The following ANKDD1B variants were observed in gnomAD, a reference collection of about 807,000 sequenced individuals.
ANKDD1B encodes the protein ankyrin repeat and death domain containing 1B, also known as ankyrin repeat and death domain-containing protein 1B.
A neutral mutation model predicts 59.7 loss-of-function variants in ANKDD1B; 57 were observed. The observed-to-expected ratio is 0.95, with a 90% CI of 0.77 to 1.19. ANKDD1B has a LOEUF of 1.19. Among genes scored for constraint, ANKDD1B ranks in the 50% most tolerant of loss-of-function variants. The pLI is 0.00. For synonymous variants in ANKDD1B, 216 were observed against 239.5 expected (o/e 0.90, Z 0.91); for missense variants, 602 against 641.9 (o/e 0.94, Z 0.67).
chr5:75,616,215 A>G (rs1043017904), intron 1 of ANKDD1B, among the ~76,000 whole-genome samples: 8 of 152,200 alleles, frequency 5.3e-5, no homozygotes, highest in African/African-American at 1.7e-4. Flanking sequence ...TAGTTAATAA[A>G]GCCTACCATA....
chr5:75,619,458 A>G (rs984424727), intron 2 of ANKDD1B, among the ~76,000 whole-genome samples: 2 of 152,222 alleles, frequency 1.3e-5, no homozygotes, highest in Admixed American at 6.5e-5. Flanking sequence ...TCCCGTTGCA[A>G]TGCTTTATTC....
intron 7 of ANKDD1B, among the ~76,000 whole-genome samples, chr5:75,648,856 A>G (rs1009828946): frequency 6.6e-6 from 1 of 152,164 alleles, no homozygotes; most frequent in Admixed American, 6.5e-5. Flanking sequence ...GATCTTGGAC[A>G]CACTTCACCT....
At chr5:75,665,266 A>G (rs980522424) in intron 11 of ANKDD1B, among the ~76,000 whole-genome samples, 3 of 152,248 alleles carry the variant, frequency 2.0e-5, no homozygotes, top group African/African-American at 4.8e-5. Context: ...GCCCTTTTCA[A>G]TGGAAGCCTA....
At chr5:75,615,667 CCTGT>C (rs1222159144) in intron 1 of ANKDD1B, among the ~76,000 whole-genome samples, 6 of 131,574 alleles carry the variant, frequency 4.6e-5, no homozygotes, top group Non-Finnish European at 7.7e-5. Flanking sequence ...CCTGGTCTTC[CCTGT>C]GTGTGTGTGT....
chr5:75,671,058 A>G lies in ANKDD1B; in HGVS notation c.*18A>G. 3 of 1,166,356 alleles carry G rather than the reference A, an allele frequency of 2.6e-6. No homozygotes were observed. The highest frequency in any genetic ancestry group is 3.2e-6 in the Non-Finnish European group (3 of 928,100). 72.3% of individuals were successfully genotyped at this position (1,166,356 alleles called of 1,614,324 possible). On this transcript the variant is annotated 3_prime_UTR_variant, in exon 14 of 14. Transcript: ENST00000601380. Reference sequence around the variant, plus strand: ...TTTCATAAATGCCTAAAGAAATTGTATTTACATGATTTTCCACTCAGCATT... The same window carrying G: ...TTTCATAAATGCCTAAAGAAATTGTGTTTACATGATTTTCCACTCAGCATT...
Position 75,671,585 on chromosome 5 carries a change from C to T in ANKDD1B, c.*545C>T, listed in dbSNP as rs1238135280. On this transcript the variant is annotated 3_prime_UTR_variant, in exon 14 of 14. Coordinates refer to ENST00000601380, the MANE Select transcript of ANKDD1B (RefSeq NM_001276713.2). Reference sequence around the variant, plus strand: ...ACGCCCATAGTACGGAAATCAACTGCTATTTCTCTTTCAGTAAGAGAAACT... The same window carrying T: ...ACGCCCATAGTACGGAAATCAACTGTTATTTCTCTTTCAGTAAGAGAAACT... The T allele has an allele frequency of 6.6e-6, 1 of 152,072 alleles. No homozygotes were observed. Among genetic ancestry groups the T allele is most frequent in the African/African-American group, 2.4e-5 (1 of 41,390 alleles). The allele number at this position is 152,072 out of a possible 1,614,324, so 9.4% of individuals were successfully genotyped here.
intron 7 of ANKDD1B, among the ~76,000 whole-genome samples, chr5:75,645,182 A>C: frequency 1.1e-5 from 1 of 94,288 alleles, no homozygotes; most frequent in Non-Finnish European, 1.8e-5. Context: ...CATCACAATT[A>C]AAAGAACTAG....
chr5:75,627,693 T>C (rs1774029093), intron 5 of ANKDD1B, among the ~76,000 whole-genome samples: 1 of 152,228 alleles, frequency 6.6e-6, no homozygotes, highest in Non-Finnish European at 1.5e-5. Context: ...TCAGCAGATA[T>C]TTGTTGACGG....
chr5:75,628,317 C>A (rs534795475), intron 5 of ANKDD1B, among the ~76,000 whole-genome samples: 5 of 152,056 alleles, frequency 3.3e-5, no homozygotes, highest in Non-Finnish European at 7.4e-5. Flanking sequence ...GCTAGACAAC[C>A]ATGAGTATAC....
chr5:75,628,610 C>G (rs1774058436), intron 5 of ANKDD1B, among the ~76,000 whole-genome samples: 1 of 152,170 alleles, frequency 6.6e-6, no homozygotes, highest in South Asian at 2.1e-4. Flanking sequence ...GTGTACCTGC[C>G]AGGTTTGGTA....
At chr5:75,656,165 CT>C in intron 9 of ANKDD1B, 38 bp downstream of exon 9, 1 of 1,038,448 alleles carries the variant, frequency 9.6e-7, no homozygotes, top group Non-Finnish European at 1.4e-6. Context: ...GGTCTCTTTT[CT>C]TAGTTTCAAC....
chr5:75,620,346 G>A lies in ANKDD1B; in HGVS notation c.329G>A (p.Gly110Glu). The A allele has an allele frequency of 6.5e-7, 1 of 1,534,438 alleles. No homozygotes were observed. Among genetic ancestry groups the A allele is most frequent in the East Asian group, 2.4e-5 (1 of 40,898 alleles). The change falls in exon 3 of 14, where the codon GGG becomes GAG. Residue 110 changes from glycine (G) to glutamate (E), a missense_variant. Gly to Glu is a moderately conservative substitution (Grantham distance 98). Coordinates refer to ENST00000601380, the MANE Select transcript of ANKDD1B (RefSeq NM_001276713.2). ...CGCACAGCCCTGCATTTTGCAGTGG[G>A]GAGAAATCATTTATCTGCAGTGGAT... Reference protein sequence around the residue: ...MNRTALHFAVGRNHLSAVDFL... With the variant: ...MNRTALHFAVERNHLSAVDFL...
In ANKDD1B at chr5:75,659,296, C is replaced by T; in HGVS notation, c.1010C>T (p.Pro337Leu). 2 of 1,535,908 alleles carry T rather than the reference C, an allele frequency of 1.3e-6. No homozygotes were observed. The highest frequency in any genetic ancestry group is 8.7e-7 in the Non-Finnish European group (1 of 1,146,762). ...ATTTCATGGCAGAAGCAGCAAACCC[C>T]TCTGCATGTAGCTGCTGATCGTGGA... ...IDILNQKQQTPLHVAADRGNV... is the reference protein window; with the variant it reads ...IDILNQKQQTLLHVAADRGNV... The change falls in exon 10 of 14, where the codon CCT (proline) becomes CTT (leucine). Residue 337 changes from proline (P) to leucine (L), a missense_variant. Physicochemically the swap from Pro to Leu is moderately conservative, Grantham distance 98 (BLOSUM62 -3). Around this residue, in one of 3 missense-constraint regions of ANKDD1B, gnomAD observed 280 missense variants for 319.8 expected, o/e 0.88. Transcript: ENST00000601380.
intron 10 of ANKDD1B, among the ~76,000 whole-genome samples, chr5:75,661,371 T>C (rs1199393211): frequency 2.5e-5 from 3 of 121,828 alleles, no homozygotes; most frequent in East Asian, 2.6e-4. Flanking sequence ...CACTCCAGTC[T>C]GGGTGAAAGA....
At position 75,671,409 on chromosome 5, in the gene ANKDD1B, G is replaced by C. The variant is rs966006736; in HGVS notation, c.*369G>C. The C allele has an allele frequency of 7.7e-5, 12 of 156,568 alleles. No homozygotes were observed. The highest frequency in any genetic ancestry group is 2.9e-4 in the African/African-American group (12 of 41,658). The allele number at this position is 156,568 out of a possible 1,614,324, so 9.7% of individuals were successfully genotyped here. ...AATAGACAAATATGGTTTTGAACTTGGTTTTGCCACTTATTAGATGTGAAC... is the reference window on the plus strand; with the variant it reads ...AATAGACAAATATGGTTTTGAACTTCGTTTTGCCACTTATTAGATGTGAAC... On this transcript the variant is annotated 3_prime_UTR_variant, in exon 14 of 14. Transcript: ENST00000601380.
chr5:75,647,438 A>G (rs879035859), intron 7 of ANKDD1B, among the ~76,000 whole-genome samples: 184 of 125,554 alleles, frequency 1.5e-3, no homozygotes, highest in African/African-American at 7.4e-3. Context: ...AAAAGTGGGC[A>G]AAGGACATGA....
intron 10 of ANKDD1B, among the ~76,000 whole-genome samples, chr5:75,661,264 A>G (rs1044240051): frequency 1.3e-5 from 2 of 151,628 alleles, no homozygotes; most frequent in African/African-American, 2.4e-5. Context: ...GGGCATGGTG[A>G]TGCGCAACTG....
At chr5:75,659,683 C>T (rs1288889192) in intron 10 of ANKDD1B, among the ~76,000 whole-genome samples, 2 of 152,098 alleles carry the variant, frequency 1.3e-5, no homozygotes, top group East Asian at 1.9e-4. Flanking sequence ...TTCCCACCCA[C>T]CCCTGTTCCT....
intron 7 of ANKDD1B, among the ~76,000 whole-genome samples, chr5:75,637,099 G>T (rs1052689019): frequency 1.3e-5 from 2 of 151,628 alleles, no homozygotes; most frequent in African/African-American, 4.9e-5. Flanking sequence ...TACAAAATTA[G>T]CCGGGTGTAC....
Sources: gnomAD v4.1 joint callset for allele counts (sites outside exome capture counted in the v4.1 genomes callset) on GRCh38, gnomAD v4.1.1 for gene constraint, gnomAD v4.1.1 regional missense constraint, MANE v1.5 for transcripts, NCBI Gene and HGNC (gene_info 2026-07-23, HGNC 2026-07-21) for gene names.